The following TUT7 variants were observed in gnomAD, a reference collection of about 807,000 sequenced individuals.
TUT7 encodes the protein terminal uridylyltransferase 7.
TUT7 carries 33 observed loss-of-function variants against 165.9 expected under a neutral mutation model. That is an observed-to-expected ratio of 0.20 (90% CI 0.15 to 0.27). The LOEUF (loss-of-function observed/expected upper bound fraction) is 0.27. Among genes scored for constraint, TUT7 ranks in the 10% least tolerant of loss-of-function variants. The pLI is 1.00. For synonymous variants in TUT7, 552 were observed against 608.1 expected, an observed-to-expected ratio of 0.91 and a Z score of 1.36; for missense variants, 1,338 against 1,762.3, an observed-to-expected ratio of 0.76 and a Z score of 4.31.
chr9:86,300,095 A>C (rs1393806636), intron 26 of TUT7, among the ~76,000 whole-genome samples: 1 of 152,232 alleles, frequency 6.6e-6, no homozygotes, highest in Non-Finnish European at 1.5e-5. Flanking sequence ...AAAACAACAA[A>C]AGAAAATCAC....
At chr9:86,337,680 T>C (rs1830933893) in intron 9 of TUT7, 142 bp from the exon 10 acceptor site, 2 of 1,010,864 alleles carry the variant, frequency 2.0e-6, no homozygotes, top group Non-Finnish European at 2.8e-6. Context: ...AGTTACAAAA[T>C]ATACAACTTC....
intron 17 of TUT7, among the ~76,000 whole-genome samples, chr9:86,313,473 G>T (rs879616487): frequency 1.3e-5 from 2 of 152,174 alleles, no homozygotes; most frequent in Non-Finnish European, 2.9e-5. Flanking sequence ...GTGTGATAGG[G>T]ATATGTGAAG....
In TUT7 at chr9:86,352,705, C is replaced by T. The variant is rs756709028; in HGVS notation, c.495G>A (p.Thr165=). 9.3e-6 allele frequency: 15 copies of T among 1,614,218 alleles called. No individual in the cohort carries two copies. Among genetic ancestry groups the T allele is most frequent in the South Asian group, 2.2e-5 (2 of 91,086 alleles). Residue 165 remains threonine, a synonymous_variant, in exon 2 of 27, where the codon ACG becomes ACA. Coordinates refer to ENST00000375963, the MANE Select transcript of TUT7 (RefSeq NM_024617.4). The part of the protein sequence containing the change: ...FHKDLTSLET[T]SEMEAGSPEN... ...CAGGACTTCCTGCTTCCATTTCTGA[C>T]GTGGTTTCTAGGCTTGTTAGGTCTT... is the stretch of plus-strand genomic sequence containing the variant.
intron 16 of TUT7, 148 bp from the exon 17 acceptor site, chr9:86,317,424 C>T: frequency 1.6e-6 from 1 of 642,964 alleles, no homozygotes; most frequent in East Asian, 2.7e-5. Flanking sequence ...GTATTAGAGT[C>T]AGTATTCACA....
intron 26 of TUT7, among the ~76,000 whole-genome samples, chr9:86,301,072 G>T (rs1158625496): frequency 6.6e-6 from 1 of 152,168 alleles, no homozygotes; most frequent in Non-Finnish European, 1.5e-5. Flanking sequence ...ACTCTCATAA[G>T]ACTCTAAATA....
intron 6 of TUT7, among the ~76,000 whole-genome samples, chr9:86,341,500 A>G (rs1831324222): frequency 6.6e-6 from 1 of 152,124 alleles, no homozygotes; most frequent in Non-Finnish European, 1.5e-5. Flanking sequence ...ACAACTCTCA[A>G]TGACTTCTTA....
chr9:86,329,990 T>C (rs530540173), intron 10 of TUT7, among the ~76,000 whole-genome samples: 3 of 152,278 alleles, frequency 2.0e-5, no homozygotes, highest in Non-Finnish European at 4.4e-5. Flanking sequence ...CCACTGCATA[T>C]ATATTTATTA....
rs373278709 is a variant in TUT7 at position 86,325,461 on chromosome 9, G to A, written c.1662C>T (p.Leu554=). The change falls in exon 12 of 27, where the codon CTC becomes CTT. Residue 554 remains leucine (L), a synonymous_variant. Coordinates refer to ENST00000375963, the MANE Select transcript of TUT7 (RefSeq NM_024617.4). ...CATAGAACCGCAGCAATTCCACCCA[G>A]AGCTGCCCAACTGGTACTGAAGGCT... ...KHQPSVPVGQ[L]WVELLRFYAL... is the part of the protein sequence containing the mutation. The A allele has an allele frequency of 6.2e-7, 1 of 1,613,974 alleles. No homozygotes were observed. Among genetic ancestry groups the A allele is most frequent in the South Asian group, 1.1e-5 (1 of 91,074 alleles).
At chr9:86,324,418 G>T (rs1328320393) in intron 12 of TUT7, 1 of 153,030 alleles carries the variant, frequency 6.5e-6, no homozygotes. Context: ...TGAATTTCAG[G>T]GGCGAGAGGG....
rs11141337 is a variant in TUT7 at position 86,311,766 on chromosome 9, C to T, written c.3275-957G>A. ...TGCCGAGTGCCTGCGATTGCAGGTG[C>T]GCGCCGCCACGCCTGACTGGTTTTC... On this transcript the variant is annotated intron_variant, in intron 17 of 26. Coordinates refer to ENST00000375963, the MANE Select transcript of TUT7 (RefSeq NM_024617.4). This position sits in a 1 kb window ranked among gnomAD's most constrained non-coding sequence, Gnocchi z 4.4. 0.31 allele frequency among the ~76,000 whole-genome samples: 47,489 copies of T among 151,882 alleles called. 8,820 individuals carry two copies. Among genetic ancestry groups the T allele is most frequent in the African/African-American group, 0.5 (20,692 of 41,332 alleles).
At position 86,354,102 on chromosome 9, in the gene TUT7, A is replaced by G. The variant is rs554270496; in HGVS notation, c.-32+169T>C. On this transcript the variant is annotated intron_variant, in intron 1 of 26. Transcript: ENST00000375963. Reference sequence around the variant, plus strand: ...GGTTCCAGGGTTCCCCCGGCCGGCCAGGGGGCCAGAGCCGAATGTCTTGAC... The same window carrying G: ...GGTTCCAGGGTTCCCCCGGCCGGCCGGGGGGCCAGAGCCGAATGTCTTGAC... Among the ~76,000 whole-genome samples the G allele has an allele frequency of 2.6e-5, 4 of 152,242 alleles. No individual in the cohort carries two copies. The East Asian group carries it at 7.7e-4, about 29-fold the overall frequency.
At chr9:86,309,738 G>A (rs1827849983) in intron 19 of TUT7, among the ~76,000 whole-genome samples, 162 bp from the exon 20 acceptor site, 1 of 152,206 alleles carries the variant, frequency 6.6e-6, no homozygotes, top group Non-Finnish European at 1.5e-5. Flanking sequence ...GTGGACAGCT[G>A]GCTACGTGCA....
chr9:86,288,480 G>C lies in TUT7; in HGVS notation c.*197C>G. ...TTCTATTAAAATCCTTAAATCTATG[G>C]GGATGTGTGGTAGATAAGACTATAT... On this transcript the variant is annotated 3_prime_UTR_variant, in exon 27 of 27. Transcript: ENST00000375963. 1 of 408,056 alleles carries C rather than the reference G, an allele frequency of 2.5e-6. No individual in the cohort carries two copies. Among genetic ancestry groups the C allele is most frequent in the Non-Finnish European group, 4.4e-6 (1 of 226,490 alleles). 25.3% of individuals were successfully genotyped at this position (408,056 alleles called of 1,614,324 possible).
intron 14 of TUT7, among the ~76,000 whole-genome samples, chr9:86,320,906 G>A (rs1480528171): frequency 6.6e-6 from 1 of 152,126 alleles, no homozygotes; most frequent in Non-Finnish European, 1.5e-5. Context: ...AACAGGCCAT[G>A]CATTTTTGTA....
chr9:86,315,478 G>A (rs1225872255), intron 17 of TUT7, among the ~76,000 whole-genome samples: 1 of 152,174 alleles, frequency 6.6e-6, no homozygotes, highest in Non-Finnish European at 1.5e-5. Context: ...ATGTTAATTG[G>A]TGGATCTGAA....
chr9:86,321,533 AGC>A, intron 14 of TUT7, among the ~76,000 whole-genome samples: 2 of 152,260 alleles, frequency 1.3e-5, no homozygotes, highest in East Asian at 3.9e-4. Flanking sequence ...GTTTGAGACC[AGC>A]CTGGCCAACG....
intron 2 of TUT7, among the ~76,000 whole-genome samples, chr9:86,349,034 T>C (rs924493461): frequency 3.3e-5 from 5 of 152,010 alleles, no homozygotes; most frequent in African/African-American, 1.2e-4. Context: ...ATCCCAGCAT[T>C]TTGGGAGGCC....
In TUT7 at chr9:86,323,870, T is replaced by C; in HGVS notation, c.1880A>G (p.Lys627Arg). 1 of 1,614,106 alleles carries C rather than the reference T, an allele frequency of 6.2e-7. No individual in the cohort carries two copies. Among genetic ancestry groups the C allele is most frequent in the Non-Finnish European group, 8.5e-7 (1 of 1,179,962 alleles). The change falls in exon 13 of 27, where the codon AAG becomes AGG. Residue 627 changes from lysine (K) to arginine (R), a missense_variant. Physicochemically the swap from Lys to Arg is conservative, Grantham distance 26. This residue lies in a region of TUT7 where 425 missense variants were observed against 474.9 expected (regional missense o/e 0.89). Transcript: ENST00000375963. ...YILHCLRTTY[K>R]YFALPHKITK... Reference sequence around the variant, plus strand: ...AATTTTGTGTGGAAGAGCAAAATACTTGTATGTTGTCCTTAAACAATGAAG... The same window carrying C: ...AATTTTGTGTGGAAGAGCAAAATACCTGTATGTTGTCCTTAAACAATGAAG...
chr9:86,321,758 T>A (rs1829321306), intron 14 of TUT7, among the ~76,000 whole-genome samples: 4 of 152,138 alleles, frequency 2.6e-5, no homozygotes, highest in Admixed American at 2.6e-4. Flanking sequence ...GGAAACCTGC[T>A]ATGATTGCTA....
Sources: allele counts gnomAD v4.1 joint callset (sites outside exome capture counted in the v4.1 genomes callset), GRCh38; gene constraint gnomAD v4.1.1; regional missense constraint gnomAD v4.1.1; non-coding constraint Gnocchi (gnomAD v3.1); transcripts MANE v1.5; gene names NCBI Gene and HGNC (gene_info 2026-07-23, HGNC 2026-07-21).